Variants in ATP2C2 observed in about 807,000 individuals in gnomAD.
The protein encoded by ATP2C2 is calcium-transporting ATPase type 2C member 2.
In ATP2C2, 171 loss-of-function variants were observed where a neutral mutation model predicts 110.8. That is an observed-to-expected ratio of 1.54 (90% CI 1.36 to 1.75). The LOEUF (loss-of-function observed/expected upper bound fraction) is 1.75. ATP2C2 is among the 40% of genes most tolerant of loss of function. ATP2C2 has a pLI of 0.00. For synonymous variants in ATP2C2, 804 were observed against 508.4 expected, an observed-to-expected ratio of 1.58 and a Z score of -7.82; for missense variants, 1,963 against 1,235.0, an observed-to-expected ratio of 1.59 and a Z score of -8.84.
intron 21 of ATP2C2, among the ~76,000 whole-genome samples, chr16:84,456,023 G>T (rs1360129319): frequency 1.9e-5 from 2 of 107,790 alleles, no homozygotes; most frequent in Admixed American, 1.1e-4. Flanking sequence ...TGCTGGATTC[G>T]GTTTGCCAGT....
chr16:84,459,185 G>A lies in ATP2C2; in HGVS notation c.2213G>A (p.Ser738Asn), dbSNP rs748319513. Residue 738 changes from serine (S) to asparagine (N), a missense_variant, in exon 22 of 27, where the codon AGC becomes AAC. Physicochemically the swap from Ser to Asn is conservative, Grantham distance 46 (BLOSUM62 1). Transcript: ENST00000262429. ...NIKNFVRFQL[S>N]TSISALSLIT... ...AAAAACTTTGTCCGATTCCAGCTGA[G>A]CACGTAAGTAGAGGCCAGCATTCCG... 2 of 1,614,232 alleles carry A rather than the reference G, an allele frequency of 1.2e-6. No homozygotes were observed. Among genetic ancestry groups the A allele is most frequent in the East Asian group, 2.2e-5 (1 of 44,884 alleles).
At chr16:84,381,064 T>C (rs1003630992) in intron 1 of ATP2C2, among the ~76,000 whole-genome samples, 1 of 152,120 alleles carries the variant, frequency 6.6e-6, no homozygotes, top group African/African-American at 2.4e-5. Context: ...CATGGCTGTT[T>C]ATTTCACCTG....
chr16:84,407,436 C>T (rs903220273), intron 3 of ATP2C2: 1 of 152,208 alleles, frequency 6.6e-6, no homozygotes. Flanking sequence ...AGGAGCCTGG[C>T]AGCCTGGGAA....
intron 17 of ATP2C2, among the ~76,000 whole-genome samples, chr16:84,448,936 C>G (rs574796726): frequency 1.3e-5 from 2 of 152,330 alleles, no homozygotes; most frequent in South Asian, 2.1e-4. Flanking sequence ...GCTGAGTTTC[C>G]TAAGGCAGGT....
At chr16:84,408,538 G>A (rs747248794) in intron 4 of ATP2C2, 44 bp downstream of exon 4, 9 of 1,484,900 alleles carry the variant, frequency 6.1e-6, no homozygotes, top group African/African-American at 1.4e-5. Flanking sequence ...GGCAGCCACA[G>A]GTCTGCTGAG....
intron 14 of ATP2C2, 130 bp from the exon 15 acceptor site, chr16:84,442,380 G>C: frequency 1.3e-6 from 1 of 793,374 alleles, no homozygotes; most frequent in Non-Finnish European, 2.2e-6. Flanking sequence ...AAAAAGCCGG[G>C]ACGCTGAGTT....
intron 26 of ATP2C2, 77 bp downstream of exon 26, chr16:84,462,206 C>T (rs1411231219): frequency 3.9e-6 from 6 of 1,556,838 alleles, no homozygotes; most frequent in East Asian, 2.3e-5. Context: ...TGGGGAGCTG[C>T]AGCCCAGGAG....
chr16:84,435,515 T>C (rs1234204265), intron 11 of ATP2C2, among the ~76,000 whole-genome samples: 1 of 152,216 alleles, frequency 6.6e-6, no homozygotes, highest in African/African-American at 2.4e-5. Flanking sequence ...TGCTGGATTT[T>C]CTAATGCAGA....
intron 6 of ATP2C2, among the ~76,000 whole-genome samples, chr16:84,415,214 C>T (rs1597794641): frequency 6.6e-6 from 1 of 152,158 alleles, no homozygotes; most frequent in East Asian, 1.9e-4. Context: ...AGGAGCCTCC[C>T]TGGGGCATGT....
At chr16:84,392,949 G>A (rs996355629) in intron 1 of ATP2C2, among the ~76,000 whole-genome samples, 11 of 152,186 alleles carry the variant, frequency 7.2e-5, no homozygotes, top group Non-Finnish European at 1.5e-5. Flanking sequence ...GTGTTTGGCT[G>A]CCTGACAGCG....
At chr16:84,409,137 A>C (rs747832752) in intron 4 of ATP2C2, among the ~76,000 whole-genome samples, 1 of 152,166 alleles carries the variant, frequency 6.6e-6, no homozygotes, top group Non-Finnish European at 1.5e-5. Flanking sequence ...GGATGAGTTC[A>C]TGTCCTTTGC....
At chr16:84,434,292 T>G (rs1453462162) in intron 11 of ATP2C2, among the ~76,000 whole-genome samples, 1 of 151,186 alleles carries the variant, frequency 6.6e-6, no homozygotes, top group African/African-American at 2.4e-5. Context: ...GGTGGGCGCC[T>G]GTAGTCCCAG....
At chr16:84,398,303 G>A (rs1323535167) in intron 1 of ATP2C2, among the ~76,000 whole-genome samples, 196 bp from the exon 2 acceptor site, 1 of 152,116 alleles carries the variant, frequency 6.6e-6, no homozygotes, top group Non-Finnish European at 1.5e-5. Context: ...CTACTCGGGA[G>A]GCTGAGACAG....
chr16:84,456,040 T>A (rs1029873400), intron 21 of ATP2C2, among the ~76,000 whole-genome samples: 9 of 104,502 alleles, frequency 8.6e-5, no homozygotes, highest in African/African-American at 3.3e-4. Context: ...CAGTATTTTA[T>A]TGAGGATTTT....
intron 7 of ATP2C2, among the ~76,000 whole-genome samples, chr16:84,420,105 G>T (rs188185324): frequency 4.2e-4 from 64 of 152,240 alleles, no homozygotes; most frequent in African/African-American, 1.3e-3. Flanking sequence ...TCATCCCGGA[G>T]GTCTCTGCTC....
Position 84,422,653 on chromosome 16 carries a change from A to G in ATP2C2, c.799A>G (p.Ser267Gly). 6.2e-7 allele frequency: 1 copy of G among 1,613,616 alleles called. No homozygotes were observed. The part of the protein sequence containing the change: ...GQGVVIGTGE[S>G]SQFGEVFKMM... ...GGGGGTCGTGATTGGAACAGGGGAA[A>G]GCTCTCAGTTCGGAGAAGTGTTTAA... The change falls in exon 9 of 27, where the codon AGC (serine) becomes GGC (glycine). Residue 267 changes from serine to glycine, a missense_variant. Coordinates refer to ENST00000262429, the MANE Select transcript of ATP2C2 (RefSeq NM_014861.4).
rs146739609 is a variant in ATP2C2 at position 84,413,920 on chromosome 16, A to G, written c.516-1563A>G. On this transcript the variant is annotated intron_variant, in intron 6 of 26. Coordinates refer to ENST00000262429, the MANE Select transcript of ATP2C2 (RefSeq NM_014861.4). Reference sequence around the variant, plus strand: ...AATGGGGAGGCCTCGGCCTTTGGGGACCTCACATTCCTACCAAGGGAGTAC... The same window carrying G: ...AATGGGGAGGCCTCGGCCTTTGGGGGCCTCACATTCCTACCAAGGGAGTAC... Among the ~76,000 whole-genome samples the G allele has an allele frequency of 2.0e-5, 3 of 152,282 alleles. No individual in the cohort carries two copies. In the East Asian group the frequency reaches 5.8e-4, roughly 29 times the overall value.
chr16:84,397,184 C>G (rs1178828071), intron 1 of ATP2C2, among the ~76,000 whole-genome samples: 2 of 151,752 alleles, frequency 1.3e-5, no homozygotes, highest in Non-Finnish European at 2.9e-5. Flanking sequence ...TTAGCAAAGC[C>G]TCCCGAAGCC....
intron 11 of ATP2C2, 101 bp downstream of exon 11, chr16:84,425,902 G>C: frequency 2.1e-6 from 3 of 1,437,204 alleles, no homozygotes; most frequent in South Asian, 1.1e-5. Flanking sequence ...GAATAGGAAG[G>C]GTTGGGAAGG....
Sources: gnomAD v4.1 joint callset for allele counts (sites outside exome capture counted in the v4.1 genomes callset) on GRCh38, gnomAD v4.1.1 for gene constraint, MANE v1.5 for transcripts, NCBI Gene and HGNC (gene_info 2026-07-23, HGNC 2026-07-21) for gene names.